RTN4: variants seen among roughly 807,000 people sequenced by gnomAD.
RTN4 encodes reticulon-4.
Under a neutral mutation model 90.4 loss-of-function variants are expected in RTN4, and 32 were observed. That is an observed-to-expected ratio of 0.35 (90% CI 0.27 to 0.48). The LOEUF is 0.48. RTN4 is among the 20% of genes least tolerant of loss of function. RTN4 has a pLI of 0.99. For missense variants in RTN4, 1,706 were observed against 1,430.2 expected (o/e 1.19, Z -3.11); for synonymous variants, 629 against 552.5 (o/e 1.14, Z -1.94).
chr2:55,094,095 A>C (rs973277711), intron 1 of RTN4, among the ~76,000 whole-genome samples: 3 of 152,162 alleles, frequency 2.0e-5, no homozygotes, highest in African/African-American at 7.2e-5. Flanking sequence ...TTAAAGCTGC[A>C]CCCTCAGTGT....
At chr2:55,060,913 C>T (rs1379270739) in intron 2 of RTN4, among the ~76,000 whole-genome samples, 1 of 152,098 alleles carries the variant, frequency 6.6e-6, no homozygotes, top group African/African-American at 2.4e-5. Flanking sequence ...GAGCACAATC[C>T]TGTCTCAAAA....
intron 1 of RTN4, among the ~76,000 whole-genome samples, chr2:55,042,663 AAATGCT>A (rs1236880472): frequency 6.6e-6 from 1 of 152,162 alleles, no homozygotes; most frequent in Non-Finnish European, 1.5e-5. Context: ...ATAAATAAAT[AAATGCT>A]TTCGTAAGAT....
intron 1 of RTN4, among the ~76,000 whole-genome samples, chr2:55,040,526 G>A (rs968356134): frequency 6.6e-6 from 1 of 152,108 alleles, no homozygotes; most frequent in Non-Finnish European, 1.5e-5. Context: ...ATTTAGGCGA[G>A]TTTATAAATC....
chr2:55,054,796 T>C (rs193229934), upstream of RTN4, among the ~76,000 whole-genome samples: 63 of 152,310 alleles, frequency 4.1e-4, no homozygotes, highest in Non-Finnish European at 6.9e-4. Context: ...GACTGAAATA[T>C]CATTTTGGCA....
At chr2:55,108,526 GGTTT>G (rs1667983564) in intron 1 of RTN4, among the ~76,000 whole-genome samples, 1 of 151,918 alleles carries the variant, frequency 6.6e-6, no homozygotes, top group Non-Finnish European at 1.5e-5. Flanking sequence ...TACTGAATAG[GGTTT>G]GTTTTTCTTA....
At chr2:54,978,214 GA>G (rs1421961692) in intron 5 of RTN4, among the ~76,000 whole-genome samples, 2 of 152,162 alleles carry the variant, frequency 1.3e-5, no homozygotes, top group Non-Finnish European at 2.9e-5. Context: ...CAGATCACCT[GA>G]GGTCAGGAGT....
At chr2:55,057,981 T>G (rs1398599307) in intron 2 of RTN4, among the ~76,000 whole-genome samples, 4 of 152,004 alleles carry the variant, frequency 2.6e-5, no homozygotes, top group Admixed American at 6.6e-5. Flanking sequence ...AAATCCTATC[T>G]CAAAAATAAA....
At chr2:55,054,418 A>G (rs761748453), upstream of RTN4, among the ~76,000 whole-genome samples, 2 of 152,234 alleles carry the variant, frequency 1.3e-5, no homozygotes, top group Non-Finnish European at 2.9e-5. Flanking sequence ...GCCAGACACA[A>G]ACGTGCTTGC....
intron 3 of RTN4, among the ~76,000 whole-genome samples, chr2:54,989,666 T>A (rs1363502499): frequency 1.3e-5 from 2 of 152,184 alleles, no homozygotes; most frequent in Non-Finnish European, 2.9e-5. Context: ...ATTACAATTC[T>A]AGGAAAGATA....
At chr2:55,055,265 T>C (rs1295018095), upstream of RTN4, among the ~76,000 whole-genome samples, 2 of 151,612 alleles carry the variant, frequency 1.3e-5, no homozygotes, top group African/African-American at 4.8e-5. Context: ...AGACATCCTA[T>C]GCTGTCTTAG....
intron 1 of RTN4, among the ~76,000 whole-genome samples, chr2:55,082,147 G>C (rs983015711): frequency 3.9e-5 from 6 of 152,088 alleles, no homozygotes; most frequent in African/African-American, 1.4e-4. Context: ...TCTTTACAGA[G>C]ATTATTTCTA....
chr2:55,059,310 GTT>G (rs35786539), intron 2 of RTN4, among the ~76,000 whole-genome samples: 40,401 of 150,198 alleles, frequency 0.27, 5,928 homozygotes, highest in Non-Finnish European at 0.33. Context: ...AGACTTAATT[GTT>G]TTTTTTTTTT....
intron 3 of RTN4, among the ~76,000 whole-genome samples, chr2:55,008,869 G>T: frequency 6.6e-6 from 1 of 152,002 alleles, no homozygotes. Flanking sequence ...CTTAGCAAAA[G>T]CTACCATATA....
intron 3 of RTN4, among the ~76,000 whole-genome samples, chr2:54,990,683 G>A (rs1678931647): frequency 6.6e-6 from 1 of 152,090 alleles, no homozygotes; most frequent in Non-Finnish European, 1.5e-5. Flanking sequence ...AAACCATATG[G>A]GAAAGAATTT....
chr2:55,056,554 A>T (rs892992730), intron 2 of RTN4: 1 of 151,826 alleles, frequency 6.6e-6, no homozygotes, highest in Non-Finnish European at 1.5e-5. Context: ...GGCGAACCTG[A>T]TTTCTACAAA....
At chr2:55,093,859 T>C (rs907820242) in intron 1 of RTN4, among the ~76,000 whole-genome samples, 5 of 152,190 alleles carry the variant, frequency 3.3e-5, no homozygotes, top group Non-Finnish European at 7.4e-5. Flanking sequence ...AATGGTTTGC[T>C]TTTTCTAAGG....
chr2:55,015,196 A>G (rs892791575), intron 3 of RTN4, among the ~76,000 whole-genome samples: 1 of 152,132 alleles, frequency 6.6e-6, no homozygotes, highest in Non-Finnish European at 1.5e-5. Context: ...ATGGAAGGCA[A>G]TCTGGCAAAC....
intron 1 of RTN4, among the ~76,000 whole-genome samples, chr2:55,100,251 C>G (rs141599155): frequency 2.6e-5 from 4 of 152,092 alleles, no homozygotes; most frequent in Admixed American, 6.6e-5. Flanking sequence ...TAAGGTCTTA[C>G]TTTGCACTGG....
intron 3 of RTN4, among the ~76,000 whole-genome samples, chr2:55,023,561 T>G (rs1404910434): frequency 6.6e-6 from 1 of 152,056 alleles, no homozygotes; most frequent in African/African-American, 2.4e-5. Flanking sequence ...TTCTTCCACC[T>G]GAACTAGGCA....
Sources: gnomAD v4.1 joint callset for allele counts (sites outside exome capture counted in the v4.1 genomes callset) on GRCh38, gnomAD v4.1.1 for gene constraint, MANE v1.5 for transcripts, NCBI Gene and HGNC (gene_info 2026-07-23, HGNC 2026-07-21) for gene names.